Variants in SPICE1 observed in about 807,000 individuals in gnomAD.
SPICE1 encodes the protein spindle and centriole associated protein 1.
A neutral mutation model predicts 102.7 loss-of-function variants in SPICE1; 75 were observed. The ratio of observed to expected loss-of-function variants is 0.73; its 90% CI spans 0.61 to 0.88. The LOEUF (loss-of-function observed/expected upper bound fraction) is 0.88, where lower values mean the gene tolerates loss of function less well. Ranked by LOEUF, SPICE1 falls within the 40% of genes least tolerant of loss-of-function variation. The pLI, the probability that SPICE1 is intolerant of heterozygous loss-of-function variation, is 0.00. For missense variants in SPICE1, 979 were observed against 1,020.1 expected (o/e 0.96, Z 0.55); for synonymous variants, 308 against 350.3 (o/e 0.88, Z 1.35).
At chr3:113,505,564 A>G (rs1448788133) in intron 2 of SPICE1, among the ~76,000 whole-genome samples, 1 of 152,206 alleles carries the variant, frequency 6.6e-6, no homozygotes. Context: ...ATGGAAAGTA[A>G]AGACACCTAA....
chr3:113,479,230 G>GT (rs1156738580), intron 7 of SPICE1, among the ~76,000 whole-genome samples: 4 of 149,034 alleles, frequency 2.7e-5, no homozygotes, highest in South Asian at 2.1e-4. Context: ...GTGGTGTTTG[G>GT]TTTTTTGTCC....
chr3:113,447,389 T>C (rs1453572162), intron 16 of SPICE1, among the ~76,000 whole-genome samples: 1 of 152,214 alleles, frequency 6.6e-6, no homozygotes, highest in Non-Finnish European at 1.5e-5. Flanking sequence ...CTAATGTTGA[T>C]ATAATTGACT....
rs1937115214 is a variant in SPICE1 at position 113,506,531 on chromosome 3, TTTC to T, written c.72_74del (p.Lys25del). ...CATCCCATTCTTGTTTCACTGAAGTTTTCTTCTTCTTTACTTTCGGTGTCTTTC... is the reference window on the plus strand; with the variant it reads ...CATCCCATTCTTGTTTCACTGAAGTTTTCTTCTTTACTTTCGGTGTCTTTC... On this transcript the variant is annotated inframe_deletion, in exon 2 of 18. Transcript: ENST00000295872. 6.2e-7 allele frequency: 1 copy of T among 1,613,520 alleles called. No homozygotes were observed. Among genetic ancestry groups the T allele is most frequent in the Non-Finnish European group, 8.5e-7 (1 of 1,179,754 alleles).
Position 113,503,183 on chromosome 3 carries a change from A to G in SPICE1, c.144T>C (p.Asp48=). 6.2e-7 allele frequency: 1 copy of G among 1,607,170 alleles called. No homozygotes were observed. The highest frequency in any genetic ancestry group is 8.5e-7 in the Non-Finnish European group (1 of 1,177,694). Residue 48 remains aspartate, a synonymous_variant, in exon 3 of 18, where the codon GAT becomes GAC. Transcript: ENST00000295872. ...DLTVHRATPE[D]LVRRHEIHKS... ...TAAGTTTTGATATTAAACTCACCAG[A>G]TCTTCGGGAGTTGCCCGATGAACGG...
intron 4 of SPICE1, among the ~76,000 whole-genome samples, chr3:113,494,603 C>T (rs1936840426): frequency 1.3e-5 from 2 of 150,294 alleles, no homozygotes; most frequent in Admixed American, 1.3e-4. Flanking sequence ...GCCGAGATCC[C>T]GCCACTGCAC....
Position 113,457,213 on chromosome 3 carries a change from G to A in SPICE1, c.1580C>T (p.Ala527Val). The change falls in exon 13 of 18, where the codon GCA (alanine) becomes GTA (valine). Residue 527 changes from alanine (A) to valine (V), a missense_variant. By Grantham distance (64) the Ala-to-Val change is moderately conservative. Coordinates refer to ENST00000295872, the MANE Select transcript of SPICE1 (RefSeq NM_144718.4). ...CAACACAGCTGGCTCAAAAATATGT[G>A]CTGGAAAATTCTTGGCCAGATTCAT... Reference protein sequence around the residue: ...DNMNLAKNFPAHIFEPAVLLT... With the variant: ...DNMNLAKNFPVHIFEPAVLLT... 6.8e-6 allele frequency: 11 copies of A among 1,614,190 alleles called. No homozygotes were observed. Among genetic ancestry groups the A allele is most frequent in the Non-Finnish European group, 8.5e-6 (10 of 1,180,042 alleles).
Position 113,444,839 on chromosome 3 carries a change from AG to A in SPICE1, c.*467del, listed in dbSNP as rs1259924779. On this transcript the variant is annotated 3_prime_UTR_variant, in exon 18 of 18. Transcript: ENST00000295872. Reference sequence around the variant, plus strand: ...AGTGATGAACAGCAATGACTTCCCAAGAAAAAAGAAAGAAAAGTGGGTGTTA... The same window carrying A: ...AGTGATGAACAGCAATGACTTCCCAAAAAAAAGAAAGAAAAGTGGGTGTTA... The A allele has an allele frequency of 3.3e-5, 5 of 152,438 alleles. No homozygotes were observed. The highest frequency in any genetic ancestry group is 1.2e-4 in the African/African-American group (5 of 41,460). The allele number at this position is 152,438 out of a possible 1,614,324, so 9.4% of individuals were successfully genotyped here.
At chr3:113,447,879 C>G (rs866161914) in intron 16 of SPICE1, among the ~76,000 whole-genome samples, 159 bp downstream of exon 16, 17 of 152,278 alleles carry the variant, frequency 1.1e-4, no homozygotes, top group South Asian at 8.3e-4. Context: ...CTCCATTTCC[C>G]CTCAAAATTC....
chr3:113,504,975 T>C (rs1937079737), intron 2 of SPICE1, among the ~76,000 whole-genome samples: 1 of 152,240 alleles, frequency 6.6e-6, no homozygotes, highest in African/African-American at 2.4e-5. Flanking sequence ...TAATGCAATT[T>C]CAAATGATAG....
rs1262438329 is a variant in SPICE1, at chr3:113,457,284, T to C, written c.1509A>G (p.Glu503=). The stretch of plus-strand genomic sequence containing the variant: ...CCTGAGACAGTTTAACGGGCAACTC[T>C]TCCTGTGGGAATTCAGCCACTTCCT... ...FREEVAEFPQ[E]ELPVKLSQVP... Residue 503 remains glutamate (E), a synonymous_variant, in exon 13 of 18, where the codon GAA becomes GAG. Transcript: ENST00000295872. 7 of 1,614,180 alleles carry C rather than the reference T, an allele frequency of 4.3e-6. No individual in the cohort carries two copies. Among genetic ancestry groups the C allele is most frequent in the South Asian group, 1.1e-5 (1 of 91,080 alleles).
chr3:113,480,570 C>T (rs564773733), intron 7 of SPICE1, among the ~76,000 whole-genome samples: 2 of 152,170 alleles, frequency 1.3e-5, no homozygotes, highest in Admixed American at 6.5e-5. Context: ...AAACTCATAA[C>T]ATAATGTACC....
At chr3:113,470,450 T>C (rs1169972616) in intron 7 of SPICE1, among the ~76,000 whole-genome samples, 1 of 152,040 alleles carries the variant, frequency 6.6e-6, no homozygotes. Flanking sequence ...GTCTATGGAG[T>C]AGATGACCAT....
At chr3:113,472,280 G>A (rs1005068525) in intron 7 of SPICE1, among the ~76,000 whole-genome samples, 2 of 152,248 alleles carry the variant, frequency 1.3e-5, no homozygotes, top group Non-Finnish European at 2.9e-5. Flanking sequence ...AAGCAGCCGG[G>A]AAGTTCCAAC....
intron 2 of SPICE1, among the ~76,000 whole-genome samples, chr3:113,503,714 C>T (rs577546559): frequency 6.6e-6 from 1 of 152,032 alleles, no homozygotes; most frequent in Non-Finnish European, 1.5e-5. Context: ...GGGTGGACCA[C>T]CTGAGCTCAG....
intron 13 of SPICE1, among the ~76,000 whole-genome samples, chr3:113,455,707 A>G (rs1195500730): frequency 6.6e-6 from 1 of 152,270 alleles, no homozygotes; most frequent in Non-Finnish European, 1.5e-5. Flanking sequence ...CTTGAAAAAT[A>G]TAATAAAACA....
intron 3 of SPICE1, 50 bp from the exon 4 acceptor site, chr3:113,499,632 T>C (rs1407952529): frequency 6.7e-7 from 1 of 1,499,740 alleles, no homozygotes. Context: ...CACAAAGAAG[T>C]TGCCTATTCA....
intron 7 of SPICE1, among the ~76,000 whole-genome samples, chr3:113,480,481 C>T (rs942033648): frequency 3.3e-5 from 5 of 152,062 alleles, no homozygotes; most frequent in African/African-American, 1.2e-4. Context: ...AAACAACCTC[C>T]AATACTCCAT....
chr3:113,453,607 G>A lies in SPICE1; in HGVS notation c.2001C>T (p.Asp667=). 6.2e-7 allele frequency: 1 copy of A among 1,614,112 alleles called. No individual in the cohort carries two copies. Among genetic ancestry groups the A allele is most frequent in the Non-Finnish European group, 8.5e-7 (1 of 1,180,024 alleles). The part of the protein sequence containing the change: ...RTNESLIQRK[D]IMTRIADLTL... ...TCAAATCAGCAATTCGTGTCATTAT[G>A]TCCTTTCTTTGTATTAATGACTCAT... Residue 667 remains aspartate (D), a synonymous_variant, in exon 14 of 18, where the codon GAC becomes GAT. Coordinates refer to ENST00000295872, the MANE Select transcript of SPICE1 (RefSeq NM_144718.4).
chr3:113,510,846 G>C (rs140091946), intron 1 of SPICE1, among the ~76,000 whole-genome samples: 2 of 152,076 alleles, frequency 1.3e-5, no homozygotes, highest in African/African-American at 4.8e-5. Flanking sequence ...CAAAATGAGA[G>C]AAAAATTTTG....
Sources: allele counts gnomAD v4.1 joint callset (sites outside exome capture counted in the v4.1 genomes callset), GRCh38; gene constraint gnomAD v4.1.1; transcripts MANE v1.5; gene names NCBI Gene and HGNC (gene_info 2026-07-23, HGNC 2026-07-21).